The following PRKN variants were observed in gnomAD, a reference collection of about 807,000 sequenced individuals.
The protein encoded by PRKN is parkin RBR E3 ubiquitin protein ligase.
A neutral mutation model predicts 59.5 loss-of-function variants in PRKN; 56 were observed. That is an observed-to-expected ratio of 0.94 (90% CI 0.76 to 1.18). The LOEUF (loss-of-function observed/expected upper bound fraction) is 1.18, where lower values mean the gene tolerates loss of function less well. Among genes scored for constraint, PRKN ranks in the 50% most tolerant of loss-of-function variants. PRKN has a pLI of 0.00. For missense variants in PRKN, 657 were observed against 596.4 expected, an observed-to-expected ratio of 1.10 and a Z score of -1.06; for synonymous variants, 250 against 222.1, an observed-to-expected ratio of 1.13 and a Z score of -1.12.
chr6:161,584,229 C>T lies in PRKN; in HGVS notation c.872-14813G>A, dbSNP rs1160925010. On this transcript the variant is annotated intron_variant, in intron 7 of 11. Transcript: ENST00000366898. The surrounding 1 kb of genome is among the most constrained non-coding windows in gnomAD (Gnocchi z 4.8). Reference sequence around the variant, plus strand: ...GGACAGGTGGCAACCCTGCAGGCAACATAATTATGAAAAATGTCTGTGCTC... The same window carrying T: ...GGACAGGTGGCAACCCTGCAGGCAATATAATTATGAAAAATGTCTGTGCTC... Among the ~76,000 whole-genome samples the T allele has an allele frequency of 6.6e-6, 1 of 152,146 alleles. No individual in the cohort carries two copies.
intron 7 of PRKN, among the ~76,000 whole-genome samples, chr6:161,615,942 G>A (rs1782677026): frequency 6.6e-6 from 1 of 152,190 alleles, no homozygotes. Context: ...CTGTAGTTGG[G>A]TTCGTGCTGC....
At chr6:162,128,409 T>C (rs775535178) in intron 4 of PRKN, among the ~76,000 whole-genome samples, 1 of 152,074 alleles carries the variant, frequency 6.6e-6, no homozygotes, top group Non-Finnish European at 1.5e-5. Context: ...CATCAAAGCA[T>C]TGGATTTTTA....
chr6:161,449,602 G>A (rs186475233), intron 9 of PRKN, among the ~76,000 whole-genome samples: 1 of 152,294 alleles, frequency 6.6e-6, no homozygotes, highest in African/African-American at 2.4e-5. Flanking sequence ...AAGTGCACGT[G>A]TTGAAGAGGC....
chr6:161,881,308 C>G (rs886449744), intron 6 of PRKN, among the ~76,000 whole-genome samples: 1 of 152,162 alleles, frequency 6.6e-6, no homozygotes, highest in Non-Finnish European at 1.5e-5. Context: ...GAAGTTCCGC[C>G]CTGCCACCCT....
intron 4 of PRKN, among the ~76,000 whole-genome samples, chr6:162,170,486 A>G (rs1450116831): frequency 2.0e-5 from 3 of 152,356 alleles, no homozygotes; most frequent in African/African-American, 7.2e-5. Context: ...AATACAGTAA[A>G]GGAAGGCAGA....
At chr6:162,297,979 G>A (rs1023212624) in intron 2 of PRKN, among the ~76,000 whole-genome samples, 3 of 152,104 alleles carry the variant, frequency 2.0e-5, no homozygotes, top group African/African-American at 7.2e-5. Context: ...TGCTAGAAGT[G>A]GATTCTCTGT....
chr6:162,416,165 CAAT>C (rs1419274306), intron 2 of PRKN, among the ~76,000 whole-genome samples: 1 of 152,152 alleles, frequency 6.6e-6, no homozygotes, highest in Non-Finnish European at 1.5e-5. Flanking sequence ...ACTGCCATAA[CAAT>C]GACAAAATTG....
intron 2 of PRKN, among the ~76,000 whole-genome samples, chr6:162,335,124 C>T (rs1460309507): frequency 1.3e-5 from 2 of 152,074 alleles, no homozygotes; most frequent in Non-Finnish European, 2.9e-5. Flanking sequence ...AGCGATTTTC[C>T]TGCCTCAGCC....
chr6:161,886,652 G>A (rs1288965224), intron 6 of PRKN, among the ~76,000 whole-genome samples: 3 of 151,650 alleles, frequency 2.0e-5, no homozygotes, highest in African/African-American at 4.8e-5. Context: ...AGCCGAGATC[G>A]CGCCACTGCA....
At chr6:162,138,573 A>G (rs1487762964) in intron 4 of PRKN, among the ~76,000 whole-genome samples, 1 of 152,226 alleles carries the variant, frequency 6.6e-6, no homozygotes, top group African/African-American at 2.4e-5. Context: ...CAATTAAAAA[A>G]GATCCAGAAA....
At chr6:162,487,557 C>T (rs6455834) in intron 1 of PRKN, among the ~76,000 whole-genome samples, 5,972 of 151,420 alleles carry the variant, frequency 0.039, 408 homozygotes, top group African/African-American at 0.14. Context: ...ACTGGAAAAA[C>T]GAGCAAAGAA....
At chr6:161,585,670 G>A (rs1562542317) in intron 7 of PRKN, among the ~76,000 whole-genome samples, 1 of 152,192 alleles carries the variant, frequency 6.6e-6, no homozygotes, top group Non-Finnish European at 1.5e-5. Flanking sequence ...GACACAAAGG[G>A]ATGATGAGTT....
rs1562430175 is a variant in PRKN, at chr6:161,973,317, G to GT, written c.718dup (p.Thr240AsnfsTer35). On this transcript the variant is annotated frameshift_variant, in exon 6 of 12. Transcript: ENST00000366898. LOFTEE classifies it high-confidence loss of function. ...AGATCCTTACCTGACGTCTGTGCAC[G>GT]TAATGCAAGTGATGTTCCGACTATT... 1 of 1,610,416 alleles carries GT rather than the reference G, an allele frequency of 6.2e-7. No individual in the cohort carries two copies. The highest frequency in any genetic ancestry group is 1.7e-5 in the Admixed American group (1 of 60,016).
intron 4 of PRKN, among the ~76,000 whole-genome samples, chr6:162,078,440 C>T (rs925257864): frequency 1.3e-5 from 2 of 152,068 alleles, no homozygotes; most frequent in Non-Finnish European, 2.9e-5. Flanking sequence ...AAACACAGAG[C>T]TTGCTTGTTA....
At chr6:162,383,579 C>T (rs1786615354) in intron 2 of PRKN, among the ~76,000 whole-genome samples, 1 of 152,132 alleles carries the variant, frequency 6.6e-6, no homozygotes, top group Admixed American at 6.5e-5. Flanking sequence ...GTAGATTCAG[C>T]ATAATCCTTA....
chr6:162,033,406 TTG>T (rs1783714648), intron 5 of PRKN, among the ~76,000 whole-genome samples: 1 of 152,248 alleles, frequency 6.6e-6, no homozygotes, highest in Non-Finnish European at 1.5e-5. Flanking sequence ...ATGCACACCA[TTG>T]GTCAACTATC....
chr6:162,238,114 T>C (rs1268492680), intron 3 of PRKN, among the ~76,000 whole-genome samples: 1 of 152,208 alleles, frequency 6.6e-6, no homozygotes, highest in African/African-American at 2.4e-5. Context: ...TGTATATGTG[T>C]TTGGTATTTT....
intron 1 of PRKN, among the ~76,000 whole-genome samples, chr6:162,471,165 T>C (rs1791720829): frequency 6.6e-6 from 1 of 152,038 alleles, no homozygotes; most frequent in African/African-American, 2.4e-5. Flanking sequence ...TGGCACAATC[T>C]TGGCTCACCG....
chr6:161,740,969 C>T (rs1788159975), intron 7 of PRKN, among the ~76,000 whole-genome samples: 1 of 152,212 alleles, frequency 6.6e-6, no homozygotes, highest in Non-Finnish European at 1.5e-5. Flanking sequence ...CTTTAAAATA[C>T]TCACGGACCT....
Sources: allele counts gnomAD v4.1 joint callset (sites outside exome capture counted in the v4.1 genomes callset), GRCh38; gene constraint gnomAD v4.1.1; non-coding constraint Gnocchi (gnomAD v3.1); transcripts MANE v1.5; gene names NCBI Gene and HGNC (gene_info 2026-07-23, HGNC 2026-07-21).